Variants in TYRP1 observed in about 807,000 individuals in gnomAD.
The protein encoded by TYRP1 is 5,6-dihydroxyindole-2-carboxylic acid oxidase.
In TYRP1, 49 loss-of-function variants were observed where a neutral mutation model predicts 42.8. The observed-to-expected ratio is 1.14, with a 90% confidence interval of 0.91 to 1.45. The LOEUF is 1.45. Among genes scored for constraint, TYRP1 ranks in the 40% most tolerant of loss-of-function variants. The pLI is 0.00. For synonymous variants in TYRP1, 279 were observed against 235.4 expected, an observed-to-expected ratio of 1.19 and a Z score of -1.69; for missense variants, 848 against 662.0, an observed-to-expected ratio of 1.28 and a Z score of -3.08.
intron 6 of TYRP1, among the ~76,000 whole-genome samples, chr9:12,705,177 T>C (rs1818238230): frequency 6.6e-6 from 1 of 152,076 alleles, no homozygotes; most frequent in African/African-American, 2.4e-5. Context: ...GAAAAGTTAA[T>C]GTTGGCTTTT....
rs1818333659 is a variant in TYRP1 at position 12,710,028 on chromosome 9, TAGCATTATCTTATCATTTATC to T, written c.*850_*870del. On this transcript the variant is annotated 3_prime_UTR_variant, in exon 8 of 8. Coordinates refer to ENST00000388918, the MANE Select transcript of TYRP1 (RefSeq NM_000550.3). Reference sequence around the variant, plus strand: ...TTCCAATCACTGTGCTTAATTTAAATAGCATTATCTTATCATTTATCAGCCTTTTATGTATTTTCCAAGTAA... The same window carrying T: ...TTCCAATCACTGTGCTTAATTTAAATAGCCTTTTATGTATTTTCCAAGTAA... The T allele has an allele frequency of 6.6e-6, 1 of 151,870 alleles. No homozygotes were observed. The highest frequency in any genetic ancestry group is 2.4e-5 in the African/African-American group (1 of 41,446). 9.4% of individuals were successfully genotyped at this position (151,870 alleles called of 1,614,324 possible). A position where few individuals can be genotyped will look rare whatever the true frequency, so the allele number is the denominator to read the frequency against.
chr9:12,703,012 C>T (rs899318484), intron 5 of TYRP1, among the ~76,000 whole-genome samples: 4 of 151,952 alleles, frequency 2.6e-5, no homozygotes, highest in Non-Finnish European at 5.9e-5. Context: ...GAGGTATAAA[C>T]AGGTAAAATT....
intron 4 of TYRP1, 75 bp from the exon 5 acceptor site, chr9:12,702,196 T>C: frequency 6.9e-7 from 1 of 1,458,960 alleles, no homozygotes; most frequent in South Asian, 1.2e-5. Context: ...TCATGCTATG[T>C]ATAAAGTTTT....
chr9:12,704,592 T>C lies in TYRP1; in HGVS notation c.1148T>C (p.Phe383Ser). ...AGTCTTCACAATTTGGCTCATCTAT[T>C]CCTGAATGGAACAGGGGGACAAACC... ...VRSLHNLAHL[F>S]LNGTGGQTHL... Residue 383 changes from phenylalanine (F) to serine (S), a missense_variant, in exon 6 of 8, where the codon TTC (phenylalanine) becomes TCC (serine). By Grantham distance (155) the Phe-to-Ser change is radical. Transcript: ENST00000388918. 2 of 1,613,210 alleles carry C rather than the reference T, an allele frequency of 1.2e-6. No homozygotes were observed. The highest frequency in any genetic ancestry group is 1.7e-6 in the Non-Finnish European group (2 of 1,179,514).
chr9:12,704,835 C>T, intron 6 of TYRP1, 130 bp downstream of exon 6: 2 of 879,168 alleles, frequency 2.3e-6, no homozygotes, highest in Non-Finnish European at 3.7e-6. Flanking sequence ...GCTGTAATAT[C>T]AAGTCACTTC....
At chr9:12,699,099 G>C (rs1044405113) in intron 4 of TYRP1, among the ~76,000 whole-genome samples, 5 of 152,118 alleles carry the variant, frequency 3.3e-5, no homozygotes, top group Admixed American at 2.6e-4. Context: ...ATGTATGCTT[G>C]CAGTTATAAA....
intron 6 of TYRP1, among the ~76,000 whole-genome samples, chr9:12,706,287 GA>G (rs1420791889): frequency 6.6e-6 from 1 of 151,914 alleles, no homozygotes; most frequent in Non-Finnish European, 1.5e-5. Context: ...AGGAAATGGA[GA>G]CTATTCAGTA....
rs371562555 is a variant in TYRP1 at position 12,698,595 on chromosome 9, C to G, written c.853C>G (p.Gln285Glu). 9.9e-6 allele frequency: 16 copies of G among 1,613,632 alleles called. No individual in the cohort carries two copies. Among genetic ancestry groups the G allele is most frequent in the Admixed American group, 1.7e-5 (1 of 59,928 alleles). Residue 285 changes from glutamine to glutamate, a missense_variant, in exon 4 of 8, where the codon CAA (glutamine) becomes GAA (glutamate). Gln to Glu is a conservative substitution (Grantham distance 29). Coordinates refer to ENST00000388918, the MANE Select transcript of TYRP1 (RefSeq NM_000550.3). ...AATAAGCCCAAACTCTGTCTTTTCT[C>G]AATGGCGAGTGGTCTGTGACTCCTT... is the stretch of plus-strand genomic sequence containing the variant. ...TLISPNSVFS[Q>E]WRVVCDSLED...
chr9:12,694,083 G>C lies in TYRP1; in HGVS notation c.87G>C (p.Gln29His), dbSNP rs764780349. 1.2e-5 allele frequency: 19 copies of C among 1,613,928 alleles called. No homozygotes were observed. The highest frequency in any genetic ancestry group is 1.5e-5 in the Non-Finnish European group (18 of 1,180,044). The stretch of plus-strand genomic sequence containing the variant: ...AGGCCCGGGCTCAATTCCCAAGACA[G>C]TGTGCCACTGTTGAGGCTTTGAGAA... ...FQQARAQFPRQCATVEALRSG... is the reference protein window; with the variant it reads ...FQQARAQFPRHCATVEALRSG... Residue 29 changes from glutamine to histidine, a missense_variant, in exon 2 of 8, where the codon CAG becomes CAC. Physicochemically the swap from Gln to His is conservative, Grantham distance 24 (BLOSUM62 0). Transcript: ENST00000388918.
chr9:12,706,587 G>T (rs1818262300), intron 6 of TYRP1, among the ~76,000 whole-genome samples: 1 of 151,924 alleles, frequency 6.6e-6, no homozygotes, highest in Non-Finnish European at 1.5e-5. Flanking sequence ...AAACTACCCT[G>T]CAGCACATTT....
At chr9:12,693,820 G>A in intron 1 of TYRP1, 92 bp from the exon 2 acceptor site, 2 of 701,156 alleles carry the variant, frequency 2.9e-6, no homozygotes, top group South Asian at 3.7e-5. Flanking sequence ...TTTACATATG[G>A]GTTCCATTTT....
In TYRP1 at chr9:12,709,505, G is replaced by A. The variant is rs986424724; in HGVS notation, c.*323G>A. Reference sequence around the variant, plus strand: ...AAGTGAACTACCATGCTTTGTTTACGTGTAAAGGAAAATAATGTTTGATAG... The same window carrying A: ...AAGTGAACTACCATGCTTTGTTTACATGTAAAGGAAAATAATGTTTGATAG... On this transcript the variant is annotated 3_prime_UTR_variant, in exon 8 of 8. Transcript: ENST00000388918. The A allele has an allele frequency of 1.4e-5, 4 of 293,050 alleles. No individual in the cohort carries two copies. The highest frequency in any genetic ancestry group is 2.6e-5 in the Non-Finnish European group (4 of 152,604). 18.2% of individuals were successfully genotyped at this position (293,050 alleles called of 1,614,324 possible). A position where few individuals can be genotyped will look rare whatever the true frequency, so the allele number is the denominator to read the frequency against.
chr9:12,699,499 A>T (rs1444469107), intron 4 of TYRP1, among the ~76,000 whole-genome samples: 2 of 150,072 alleles, frequency 1.3e-5, no homozygotes, highest in African/African-American at 4.9e-5. Context: ...TAATCACCAC[A>T]TACTTATTCT....
Position 12,704,725 on chromosome 9 carries a change from CTTTTG to C in TYRP1, c.1261+21_1261+25del. 6.2e-7 allele frequency: 1 copy of C among 1,610,072 alleles called. No individual in the cohort carries two copies. The highest frequency in any genetic ancestry group is 2.2e-5 in the East Asian group (1 of 44,802). On this transcript the variant is annotated intron_variant, in intron 6 of 7. Coordinates refer to ENST00000388918, the MANE Select transcript of TYRP1 (RefSeq NM_000550.3). ...ATGCTGGTAAGACATTTTCATATGC[CTTTTG>C]CATGCTCAGCTGGGCGGATTGTTTA...
chr9:12,708,984 G>C lies in TYRP1; in HGVS notation c.1416G>C (p.Glu472Asp). 1.9e-6 allele frequency: 3 copies of C among 1,612,320 alleles called. No homozygotes were observed. Among genetic ancestry groups the C allele is most frequent in the South Asian group, 2.2e-5 (2 of 91,040 alleles). Residue 472 changes from glutamate to aspartate, a missense_variant, in exon 8 of 8, where the codon GAG (glutamate) becomes GAC (aspartate). Physicochemically the swap from Glu to Asp is conservative, Grantham distance 45 (BLOSUM62 2). Coordinates refer to ENST00000388918, the MANE Select transcript of TYRP1 (RefSeq NM_000550.3). ...YTYEIQWPSR[E>D]FSVPEIIAIA... is the part of the protein sequence containing the mutation. ...ATCTTCCTTTCCAAATAGGTCGGGA[G>C]TTTAGTGTACCTGAGATAATTGCCA... is the stretch of plus-strand genomic sequence containing the variant.
intron 3 of TYRP1, 117 bp downstream of exon 3, chr9:12,695,954 A>G: frequency 3.7e-6 from 4 of 1,067,900 alleles, no homozygotes; most frequent in Non-Finnish European, 4.2e-6. Flanking sequence ...AAGCAATTTT[A>G]TGTTACTAAC....
chr9:12,710,091 T>G lies in TYRP1; in HGVS notation c.*909T>G, dbSNP rs1444553405. On this transcript the variant is annotated 3_prime_UTR_variant, in exon 8 of 8. Coordinates refer to ENST00000388918, the MANE Select transcript of TYRP1 (RefSeq NM_000550.3). ...TCCAAGTAAAATATTAACATATTAT[T>G]TCATTGGTCTTCTTTTTTATCTGGT... 6.6e-6 allele frequency: 1 copy of G among 151,822 alleles called. No homozygotes were observed. The highest frequency in any genetic ancestry group is 2.4e-5 in the African/African-American group (1 of 41,416). The allele number at this position is 151,822 out of a possible 1,614,324, so 9.4% of individuals were successfully genotyped here. A position where few individuals can be genotyped will look rare whatever the true frequency, so the allele number is the denominator to read the frequency against.
At position 12,709,752 on chromosome 9, in the gene TYRP1, C is replaced by CTATT. The variant is rs1554648634; in HGVS notation, c.*573_*576dup. The CTATT allele has an allele frequency of 6.5e-6, 1 of 154,486 alleles. No individual in the cohort carries two copies. Among genetic ancestry groups the CTATT allele is most frequent in the East Asian group, 1.9e-4 (1 of 5,246 alleles). 9.6% of individuals were successfully genotyped at this position (154,486 alleles called of 1,614,324 possible). A position where few individuals can be genotyped will look rare whatever the true frequency, so the allele number is the denominator to read the frequency against. On this transcript the variant is annotated 3_prime_UTR_variant, in exon 8 of 8. Coordinates refer to ENST00000388918, the MANE Select transcript of TYRP1 (RefSeq NM_000550.3). ...AAATATATTATTTAGTCAACATATACTATTTAGTCTCAGGTTCAAGGCTAC... is the reference window on the plus strand; with the variant it reads ...AAATATATTATTTAGTCAACATATACTATTTATTTAGTCTCAGGTTCAAGGCTAC...
At chr9:12,708,354 T>A (rs1384089493) in intron 7 of TYRP1, among the ~76,000 whole-genome samples, 2 of 151,972 alleles carry the variant, frequency 1.3e-5, no homozygotes, top group Admixed American at 6.6e-5. Context: ...CAGCACCCTA[T>A]CTCATTTAAT....
Sources: gnomAD v4.1 joint callset for allele counts (sites outside exome capture counted in the v4.1 genomes callset) on GRCh38, gnomAD v4.1.1 for gene constraint, MANE v1.5 for transcripts, NCBI Gene and HGNC (gene_info 2026-07-23, HGNC 2026-07-21) for gene names.